Variants in SRGAP2 observed in about 807,000 individuals in gnomAD.
SRGAP2 encodes SLIT-ROBO Rho GTPase activating protein 2, also known as SLIT-ROBO Rho GTPase-activating protein 2.
A neutral mutation model predicts 57.2 loss-of-function variants in SRGAP2; 15 were observed. That is an observed-to-expected ratio of 0.26 (90% CI 0.18 to 0.40). The LOEUF is 0.40. Among genes scored for constraint, SRGAP2 ranks in the 10% least tolerant of loss-of-function variants. The pLI is 1.00. For missense variants in SRGAP2, 520 were observed against 669.6 expected (o/e 0.78, Z 2.47); for synonymous variants, 249 against 248.0 (o/e 1.00, Z -0.04).
intron 1 of SRGAP2, chr1:206,204,244 C>T (rs1272427994): frequency 4.2e-6 from 2 of 479,764 alleles, no homozygotes; most frequent in African/African-American, 4.0e-5. Flanking sequence ...TGCCCCAATT[C>T]CCCTCACCTC....
intron 3 of SRGAP2, among the ~76,000 whole-genome samples, chr1:206,313,768 A>C (rs1392764668): frequency 6.6e-6 from 1 of 151,838 alleles, no homozygotes; most frequent in Admixed American, 6.6e-5. Flanking sequence ...CAGTTGCTGC[A>C]GTAGATCATA....
rs113498926 is a variant in SRGAP2 at position 206,457,985 on chromosome 1, G to A, written c.2508-638G>A. Among the ~76,000 whole-genome samples the A allele has an allele frequency of 4.6e-3, 702 of 152,230 alleles. 9 individuals are homozygous for A. Among genetic ancestry groups the A allele is most frequent in the African/African-American group, 0.016 (664 of 41,532 alleles). On this transcript the variant is annotated intron_variant, in intron 21 of 22. Transcript: ENST00000573034. ...GCCCTAAGTGGTCTGAAACAAATTC[G>A]CCCAGATCCAGGGTTCAGCCCAGTG...
chr1:206,412,882 C>T (rs1659341413), intron 10 of SRGAP2, among the ~76,000 whole-genome samples: 1 of 152,176 alleles, frequency 6.6e-6, no homozygotes, highest in Non-Finnish European at 1.5e-5. Context: ...GATGCCTTTA[C>T]CTTTCCATAC....
Position 206,458,966 on chromosome 1 carries a change from A to G in SRGAP2, c.2832+19A>G. On this transcript the variant is annotated intron_variant, in intron 22 of 22. Transcript: ENST00000573034. ...TGCTCAGGTAACTGTGGGCTCCTGG[A>G]CAGACAGCATGAGTCTACATTCATC... The G allele has an allele frequency of 1.4e-6, 1 of 740,410 alleles. No individual in the cohort carries two copies. The allele number at this position is 740,410 out of a possible 1,614,324, so 45.9% of individuals were successfully genotyped here. A position where few individuals can be genotyped will look rare whatever the true frequency, so the allele number is the denominator to read the frequency against.
chr1:206,296,577 G>A (rs1296899727), intron 2 of SRGAP2, among the ~76,000 whole-genome samples: 6 of 151,900 alleles, frequency 3.9e-5, no homozygotes, highest in Non-Finnish European at 8.8e-5. Flanking sequence ...CTAAAGGCAT[G>A]CACCACCACC....
At chr1:206,322,579 CAAAAAAA>C (rs781892410) in intron 3 of SRGAP2, among the ~76,000 whole-genome samples, 2 of 53,526 alleles carry the variant, frequency 3.7e-5, no homozygotes, top group Non-Finnish European at 7.0e-5. Flanking sequence ...GACTCCATAT[CAAAAAAA>C]AAAAAAAAAA....
chr1:206,255,180 G>C (rs1227057435), intron 2 of SRGAP2, among the ~76,000 whole-genome samples: 1 of 141,882 alleles, frequency 7.0e-6, no homozygotes, highest in Non-Finnish European at 1.5e-5. Flanking sequence ...TTACTCTGCT[G>C]CTTCCTGGGT....
intron 3 of SRGAP2, among the ~76,000 whole-genome samples, chr1:206,311,197 G>T (rs1180628331): frequency 4.0e-5 from 6 of 151,856 alleles, no homozygotes; most frequent in Non-Finnish European, 2.9e-5. Context: ...TGTAGTTATT[G>T]TTCTGGGTGA....
chr1:206,322,354 A>C (rs1673516564), intron 3 of SRGAP2, among the ~76,000 whole-genome samples: 1 of 146,716 alleles, frequency 6.8e-6, no homozygotes, highest in African/African-American at 2.5e-5. Flanking sequence ...CGGGCCGATC[A>C]TGAGGTCAGG....
chr1:206,414,323 C>T (rs1659488043), intron 10 of SRGAP2, among the ~76,000 whole-genome samples: 1 of 152,112 alleles, frequency 6.6e-6, no homozygotes, highest in African/African-American at 2.4e-5. Context: ...AGGCCTGAGC[C>T]ACTGCACCTG....
At chr1:206,415,034 CTGTT>C (rs746189058) in intron 10 of SRGAP2, among the ~76,000 whole-genome samples, 3 of 152,230 alleles carry the variant, frequency 2.0e-5, no homozygotes, top group Non-Finnish European at 4.4e-5. Context: ...CACTCACTAA[CTGTT>C]TGACCTTGAG....
At chr1:206,229,669 T>A (rs1263182308) in intron 2 of SRGAP2, among the ~76,000 whole-genome samples, 1 of 152,160 alleles carries the variant, frequency 6.6e-6, no homozygotes, top group African/African-American at 2.4e-5. Context: ...TGACTCTCTT[T>A]TTATGCAACA....
At chr1:206,212,420 T>C (rs1342211450) in intron 2 of SRGAP2, among the ~76,000 whole-genome samples, 5 of 97,958 alleles carry the variant, frequency 5.1e-5, no homozygotes, top group African/African-American at 2.0e-4. Flanking sequence ...AAAGGTACAC[T>C]ATACCAAAGT....
chr1:206,263,834 A>G (rs1250505861), intron 2 of SRGAP2, among the ~76,000 whole-genome samples: 2 of 151,970 alleles, frequency 1.3e-5, no homozygotes, highest in African/African-American at 4.8e-5. Flanking sequence ...AATAAACAAG[A>G]TCATGTGATA....
chr1:206,228,680 G>A (rs1571618269), intron 2 of SRGAP2, among the ~76,000 whole-genome samples: 1 of 151,572 alleles, frequency 6.6e-6, no homozygotes, highest in Non-Finnish European at 1.5e-5. Context: ...ATGAGAAATT[G>A]GAGGTCCTTC....
chr1:206,402,077 G>A (rs1181532503), intron 8 of SRGAP2, among the ~76,000 whole-genome samples: 3 of 151,798 alleles, frequency 2.0e-5, no homozygotes, highest in Non-Finnish European at 2.9e-5. Context: ...CTGAGGTGGG[G>A]CCACATCCTA....
At chr1:206,304,272 C>T (rs1176404029) in intron 3 of SRGAP2, among the ~76,000 whole-genome samples, 1 of 142,202 alleles carries the variant, frequency 7.0e-6, no homozygotes, top group African/African-American at 2.8e-5. Flanking sequence ...AAAAAAAATA[C>T]AGAAATCTGG....
intron 19 of SRGAP2, among the ~76,000 whole-genome samples, 168 bp from the exon 20 acceptor site, chr1:206,453,032 T>C (rs139789991): frequency 7.2e-4 from 109 of 151,964 alleles, no homozygotes; most frequent in African/African-American, 2.6e-3. Context: ...TTCAGGATAA[T>C]GGTATAGTCT....
intron 3 of SRGAP2, among the ~76,000 whole-genome samples, chr1:206,306,270 A>G (rs1672190323): frequency 6.6e-6 from 1 of 151,292 alleles, no homozygotes. Flanking sequence ...TGATGTTCAG[A>G]TGTGTTCGGA....
Sources: allele counts gnomAD v4.1 joint callset (sites outside exome capture counted in the v4.1 genomes callset), GRCh38; gene constraint gnomAD v4.1.1; transcripts MANE v1.5; gene names NCBI Gene and HGNC (gene_info 2026-07-23, HGNC 2026-07-21).